The following PPP1R9A variants were observed in gnomAD, a reference collection of about 807,000 sequenced individuals.
PPP1R9A encodes neurabin-1.
A neutral mutation model predicts 141.9 loss-of-function variants in PPP1R9A; 59 were observed. The observed-to-expected ratio is 0.42, with a 90% CI of 0.34 to 0.52. The LOEUF (loss-of-function observed/expected upper bound fraction) is 0.52, where lower values mean the gene tolerates loss of function less well. Ranked by LOEUF, PPP1R9A falls within the 20% of genes least tolerant of loss-of-function variation. PPP1R9A has a pLI of 0.10. For synonymous variants in PPP1R9A, 500 were observed against 569.7 expected (o/e 0.88, Z 1.74); for missense variants, 1,444 against 1,611.9 (o/e 0.90, Z 1.78).
intron 2 of PPP1R9A, among the ~76,000 whole-genome samples, chr7:95,059,902 G>A (rs77050982): frequency 0.041 from 6,220 of 152,138 alleles, 374 homozygotes; most frequent in African/African-American, 0.13. Context: ...GAGGGGAGAC[G>A]GGAACATCAA....
chr7:94,981,976 C>G (rs187199977), intron 2 of PPP1R9A, among the ~76,000 whole-genome samples: 1 of 143,496 alleles, frequency 7.0e-6, no homozygotes, highest in African/African-American at 2.6e-5. Flanking sequence ...CCTCCCCCAA[C>G]CCCCCACCCC....
At chr7:95,070,879 G>A (rs187996446) in intron 2 of PPP1R9A, among the ~76,000 whole-genome samples, 2 of 151,762 alleles carry the variant, frequency 1.3e-5, no homozygotes, top group African/African-American at 4.8e-5. Flanking sequence ...GAATATTAGT[G>A]AACAATGACT....
intron 2 of PPP1R9A, among the ~76,000 whole-genome samples, chr7:94,999,661 A>T (rs1459153624): frequency 6.6e-6 from 1 of 152,180 alleles, no homozygotes; most frequent in African/African-American, 2.4e-5. Flanking sequence ...ACTAAGCCCA[A>T]TAAAATCAAC....
intron 2 of PPP1R9A, among the ~76,000 whole-genome samples, chr7:95,070,593 G>GTATATATA (rs71961632): frequency 0.021 from 2,315 of 111,674 alleles, 89 homozygotes; most frequent in Middle Eastern, 0.039. Flanking sequence ...TAAATCTCTG[G>GTATATATA]TATATATATA....
rs140457361 is a variant in PPP1R9A at position 95,073,270 on chromosome 7, G to A, written c.1396-37989G>A. Among the ~76,000 whole-genome samples the A allele has an allele frequency of 1.6e-3, 249 of 151,974 alleles. No homozygotes were observed. The Middle Eastern group carries it at 0.02, about 12-fold the overall frequency. On this transcript the variant is annotated intron_variant, in intron 2 of 19. Coordinates refer to ENST00000433360, the MANE Select transcript of PPP1R9A (RefSeq NM_001166160.2). ...CAAAGTGGTGAGATTACAGGCATGA[G>A]CCACTCTGCCTGGCCTACTTTTATA...
intron 17 of PPP1R9A, among the ~76,000 whole-genome samples, chr7:95,284,596 T>G (rs184678515): frequency 1.4e-4 from 21 of 152,306 alleles, no homozygotes; most frequent in Non-Finnish European, 3.1e-4. Flanking sequence ...TCACTGTGCT[T>G]CTCAAGATTT....
intron 2 of PPP1R9A, among the ~76,000 whole-genome samples, chr7:95,012,746 T>C (rs1018216369): frequency 1.3e-5 from 2 of 152,078 alleles, no homozygotes; most frequent in African/African-American, 4.8e-5. Context: ...TCCACCTTCT[T>C]ATAAAAGGCA....
chr7:95,260,940 G>A (rs1214967470), intron 12 of PPP1R9A, among the ~76,000 whole-genome samples: 1 of 151,996 alleles, frequency 6.6e-6, no homozygotes, highest in Non-Finnish European at 1.5e-5. Flanking sequence ...TTGATATATG[G>A]TCTGATTCAC....
At chr7:94,987,688 T>A (rs1170581152) in intron 2 of PPP1R9A, among the ~76,000 whole-genome samples, 3 of 152,174 alleles carry the variant, frequency 2.0e-5, no homozygotes, top group African/African-American at 7.2e-5. Context: ...CATGTAAAAA[T>A]GTTTTATAAA....
At position 95,291,616 on chromosome 7, in the gene PPP1R9A, G is replaced by A. The variant is rs1357549647; in HGVS notation, c.*1313G>A. 1 of 152,206 alleles carries A rather than the reference G, an allele frequency of 6.6e-6. No individual in the cohort carries two copies. Among genetic ancestry groups the A allele is most frequent in the Admixed American group, 6.5e-5 (1 of 15,282 alleles). The allele number at this position is 152,206 out of a possible 1,614,324, so 9.4% of individuals were successfully genotyped here. A position where few individuals can be genotyped will look rare whatever the true frequency, so the allele number is the denominator to read the frequency against. ...AAGAAGGAGAAAATAAACTCGTTTT[G>A]AGAAATTTCATGTGATGAGGGTTTT... On this transcript the variant is annotated 3_prime_UTR_variant, in exon 20 of 20. Transcript: ENST00000433360.
chr7:95,042,963 C>T (rs993711537), intron 2 of PPP1R9A, among the ~76,000 whole-genome samples: 19 of 151,898 alleles, frequency 1.3e-4, no homozygotes, highest in African/African-American at 4.6e-4. Flanking sequence ...ACTCCATTTG[C>T]TACACAATTT....
intron 12 of PPP1R9A, among the ~76,000 whole-genome samples, chr7:95,254,285 A>T (rs1273367239): frequency 6.6e-6 from 1 of 152,164 alleles, no homozygotes; most frequent in Non-Finnish European, 1.5e-5. Context: ...ATCTCTTTGA[A>T]TTTCAGTTGC....
intron 5 of PPP1R9A, among the ~76,000 whole-genome samples, chr7:95,177,805 T>A (rs1833122141): frequency 6.6e-6 from 1 of 152,102 alleles, no homozygotes; most frequent in Non-Finnish European, 1.5e-5. Context: ...GTAAAAGGCT[T>A]TGTCCAACAG....
chr7:95,037,689 CTGTG>C (rs202121522), intron 2 of PPP1R9A, among the ~76,000 whole-genome samples: 1 of 150,342 alleles, frequency 6.7e-6, no homozygotes, highest in Non-Finnish European at 1.5e-5. Flanking sequence ...TGAAAGAATG[CTGTG>C]TGTGTGCGTG....
chr7:95,192,287 GT>G (rs1197975988), intron 5 of PPP1R9A, among the ~76,000 whole-genome samples: 1 of 151,864 alleles, frequency 6.6e-6, no homozygotes, highest in African/African-American at 2.4e-5. Flanking sequence ...AACAGTGTGC[GT>G]TGTAATCAAT....
intron 2 of PPP1R9A, among the ~76,000 whole-genome samples, chr7:94,932,565 G>A (rs1794283916): frequency 1.3e-5 from 2 of 152,050 alleles, no homozygotes; most frequent in Non-Finnish European, 2.9e-5. Flanking sequence ...AATTGAGAGA[G>A]TATGTATTCA....
Position 95,290,278 on chromosome 7 carries a change from C to T in PPP1R9A, c.4100C>T (p.Thr1367Ile), listed in dbSNP as rs2116102172. ...SKKTEKMTST[T>I]AEGAGEQ ...AAGACAGAAAAGATGACGTCAACTACAGCCGAGGGTGCTGGTGAGCAGTAA... is the reference window on the plus strand; with the variant it reads ...AAGACAGAAAAGATGACGTCAACTATAGCCGAGGGTGCTGGTGAGCAGTAA... Residue 1367 changes from threonine to isoleucine, a missense_variant, in exon 20 of 20, where the codon ACA (threonine) becomes ATA (isoleucine). Coordinates refer to ENST00000433360, the MANE Select transcript of PPP1R9A (RefSeq NM_001166160.2). The T allele has an allele frequency of 1.9e-6, 3 of 1,611,596 alleles. No individual in the cohort carries two copies. Among genetic ancestry groups the T allele is most frequent in the Non-Finnish European group, 1.7e-6 (2 of 1,178,764 alleles).
At position 95,053,950 on chromosome 7, in the gene PPP1R9A, A is replaced by G. The variant is rs146658753; in HGVS notation, c.1396-57309A>G. Among the ~76,000 whole-genome samples, 9 of 152,334 alleles carry G rather than the reference A, an allele frequency of 5.9e-5. No homozygotes were observed. In the East Asian group the frequency reaches 1.7e-3, roughly 29 times the overall value. Reference sequence around the variant, plus strand: ...GATAGGAAAGATCTGAAGGGCAATCACAAAACAACGTTTAGCCTAAAAAGA... The same window carrying G: ...GATAGGAAAGATCTGAAGGGCAATCGCAAAACAACGTTTAGCCTAAAAAGA... On this transcript the variant is annotated intron_variant, in intron 2 of 19. Transcript: ENST00000433360.
At chr7:95,093,346 A>G (rs1320696385) in intron 2 of PPP1R9A, among the ~76,000 whole-genome samples, 8 of 152,276 alleles carry the variant, frequency 5.3e-5, no homozygotes, top group African/African-American at 1.9e-4. Context: ...ATATATTTAC[A>G]TATTTAAATC....
Sources: gnomAD v4.1 joint callset for allele counts (sites outside exome capture counted in the v4.1 genomes callset) on GRCh38, gnomAD v4.1.1 for gene constraint, MANE v1.5 for transcripts, NCBI Gene and HGNC (gene_info 2026-07-23, HGNC 2026-07-21) for gene names.